Variants in SI observed in about 807,000 individuals in gnomAD.
The protein encoded by SI is sucrase-isomaltase.
In SI, 235 loss-of-function variants were observed where a neutral mutation model predicts 253.3. The observed-to-expected ratio is 0.93, with a 90% CI of 0.83 to 1.03. SI has a LOEUF of 1.03. SI is among the 50% of genes least tolerant of loss of function. The pLI is 0.00. For missense variants in SI, 2,442 were observed against 2,211.1 expected (o/e 1.10, Z -2.09); for synonymous variants, 819 against 712.0 (o/e 1.15, Z -2.39).
chr3:164,991,044 T>A (rs1024047992), intron 44 of SI, among the ~76,000 whole-genome samples: 1 of 151,896 alleles, frequency 6.6e-6, no homozygotes, highest in South Asian at 2.1e-4. Context: ...AAAGACAGGG[T>A]TTTCCTAAAC....
In SI at chr3:165,055,260, G is replaced by A; in HGVS notation, c.1446C>T (p.Cys482=). 1 of 1,611,576 alleles carries A rather than the reference G, an allele frequency of 6.2e-7. No homozygotes were observed. The highest frequency in any genetic ancestry group is 8.5e-7 in the Non-Finnish European group (1 of 1,178,358). ...TGCATTCATTTGCCCACCAATCAATGCAGTTTGGGTTAGTGAAATCAGGGT... is the reference window on the plus strand; with the variant it reads ...TGCATTCATTTGCCCACCAATCAATACAGTTTGGGTTAGTGAAATCAGGGT... ...TVYPDFTNPN[C]IDWWANECSI... is the part of the protein sequence containing the mutation. The change falls in exon 13 of 48, where the codon TGC becomes TGT. Residue 482 remains cysteine (C), a synonymous_variant. Coordinates refer to ENST00000264382, the MANE Select transcript of SI (RefSeq NM_001041.4).
At position 165,043,056 on chromosome 3, in the gene SI, T is replaced by C; in HGVS notation, c.2004+3A>G. On this transcript the variant is annotated splice_donor_region_variant and intron_variant, in intron 17 of 47. Transcript: ENST00000264382. Reference sequence around the variant, plus strand: ...CGCAACATGGAGAACAAGAGGCTCTTACTTCATATCCGTCAGAATTATGGT... The same window carrying C: ...CGCAACATGGAGAACAAGAGGCTCTCACTTCATATCCGTCAGAATTATGGT... The C allele has an allele frequency of 6.4e-7, 1 of 1,551,940 alleles. No homozygotes were observed. The highest frequency in any genetic ancestry group is 8.9e-7 in the Non-Finnish European group (1 of 1,123,706).
At chr3:165,047,915 T>C (rs909068285) in intron 15 of SI, among the ~76,000 whole-genome samples, 1 of 152,056 alleles carries the variant, frequency 6.6e-6, no homozygotes, top group South Asian at 2.1e-4. Context: ...CTAACTATTA[T>C]TGATAACATT....
At chr3:165,039,593 C>T (rs1008277575) in intron 19 of SI, among the ~76,000 whole-genome samples, 1 of 151,778 alleles carries the variant, frequency 6.6e-6, no homozygotes, top group African/African-American at 2.4e-5. Context: ...TAAATGAGAA[C>T]TCTTTGTTAT....
intron 3 of SI, among the ~76,000 whole-genome samples, chr3:165,069,431 C>T (rs990346185): frequency 1.3e-4 from 20 of 151,954 alleles, no homozygotes; most frequent in Non-Finnish European, 2.4e-4. Flanking sequence ...ATTAAAATCA[C>T]GTATCTATAC....
intron 7 of SI, among the ~76,000 whole-genome samples, chr3:165,064,773 T>C (rs1232106657): frequency 6.6e-6 from 1 of 152,042 alleles, no homozygotes; most frequent in Non-Finnish European, 1.5e-5. Flanking sequence ...ATAAAGAACA[T>C]TAAGTTTCAG....
chr3:165,018,296 A>G (rs1225018808), intron 28 of SI, among the ~76,000 whole-genome samples: 1 of 150,774 alleles, frequency 6.6e-6, no homozygotes, highest in Non-Finnish European at 1.5e-5. Flanking sequence ...TTTGTATATT[A>G]ATAGAAATTA....
At chr3:164,987,694 C>A (rs1373021861) in intron 44 of SI, among the ~76,000 whole-genome samples, 2 of 151,050 alleles carry the variant, frequency 1.3e-5, no homozygotes, top group Admixed American at 6.6e-5. Flanking sequence ...GGTGACAGAG[C>A]AAGACTCCAT....
At chr3:165,007,445 T>C (rs1559986362) in intron 36 of SI, among the ~76,000 whole-genome samples, 1 of 152,088 alleles carries the variant, frequency 6.6e-6, no homozygotes. Flanking sequence ...TTTCCTTCTA[T>C]GTCAAAGGTA....
chr3:165,015,336 A>C, intron 32 of SI, 103 bp from the exon 33 acceptor site: 1 of 767,374 alleles, frequency 1.3e-6, no homozygotes, highest in Non-Finnish European at 2.3e-6. Flanking sequence ...TATCATAATA[A>C]TGTGCTCTCA....
chr3:165,057,797 T>C (rs777567477), intron 12 of SI, among the ~76,000 whole-genome samples: 3 of 151,904 alleles, frequency 2.0e-5, no homozygotes, highest in African/African-American at 4.8e-5. Context: ...AAGCAAAAGC[T>C]GAGGGATTTC....
intron 12 of SI, among the ~76,000 whole-genome samples, chr3:165,058,685 A>C (rs1188856877): frequency 6.6e-6 from 1 of 151,986 alleles, no homozygotes; most frequent in African/African-American, 2.4e-5. Context: ...GAAATGCATA[A>C]ATTCTTAAAC....
chr3:165,069,316 A>C, intron 3 of SI, 121 bp from the exon 4 acceptor site: 1 of 708,120 alleles, frequency 1.4e-6, no homozygotes, highest in Non-Finnish European at 2.5e-6. Context: ...ATAATATGCC[A>C]AAATAGCATT....
chr3:164,982,940 C>A, intron 46 of SI, 62 bp downstream of exon 46: 1 of 1,495,358 alleles, frequency 6.7e-7, no homozygotes, highest in Non-Finnish European at 9.2e-7. Flanking sequence ...CATGAGCCAC[C>A]CCACCCAGCT....
intron 13 of SI, among the ~76,000 whole-genome samples, chr3:165,051,326 G>A (rs559186426): frequency 4.6e-5 from 7 of 152,146 alleles, no homozygotes; most frequent in Admixed American, 1.3e-4. Context: ...ATCATGACAC[G>A]TTTAATCGGT....
At chr3:164,988,753 T>G (rs1252207392) in intron 44 of SI, among the ~76,000 whole-genome samples, 1 of 152,048 alleles carries the variant, frequency 6.6e-6, no homozygotes, top group African/African-American at 2.4e-5. Context: ...AATTTTGCAA[T>G]GGAAATAAAG....
At chr3:165,067,293 C>T in intron 6 of SI, 47 bp downstream of exon 6, 1 of 1,345,096 alleles carries the variant, frequency 7.4e-7, no homozygotes, top group African/African-American at 1.5e-5. Context: ...CTTTCCAATT[C>T]TATAATAATA....
At chr3:164,992,080 TG>T in intron 43 of SI, 96 bp downstream of exon 43, 2 of 1,008,744 alleles carry the variant, frequency 2.0e-6, no homozygotes, top group Non-Finnish European at 1.6e-6. Flanking sequence ...TCTTTTTAAG[TG>T]GAAAGTAAAT....
rs764722815 is a variant in SI at position 165,006,783 on chromosome 3, G to C, written c.4406+33C>G. On this transcript the variant is annotated intron_variant, in intron 37 of 47. Coordinates refer to ENST00000264382, the MANE Select transcript of SI (RefSeq NM_001041.4). ...TAAATGTAAGAACCAAAGAATAAAA[G>C]AGTCAGAGAGGATAATTCAGAACAT... 5 of 1,585,306 alleles carry C rather than the reference G, an allele frequency of 3.2e-6. No individual in the cohort carries two copies. In the African/African-American group the frequency reaches 6.7e-5, roughly 21 times the overall value.
Sources: gnomAD v4.1 joint callset for allele counts (sites outside exome capture counted in the v4.1 genomes callset) on GRCh38, gnomAD v4.1.1 for gene constraint, MANE v1.5 for transcripts, NCBI Gene and HGNC (gene_info 2026-07-23, HGNC 2026-07-21) for gene names.